The following DYNC2I1 variants were observed in gnomAD, a reference collection of about 807,000 sequenced individuals.
DYNC2I1 encodes cytoplasmic dynein 2 intermediate chain 1.
Under a neutral mutation model 133.4 loss-of-function variants are expected in DYNC2I1, and 89 were observed. The observed-to-expected ratio is 0.67, with a 90% confidence interval of 0.56 to 0.80. The LOEUF (loss-of-function observed/expected upper bound fraction) is 0.80, where lower values mean the gene tolerates loss of function less well. Among genes scored for constraint, DYNC2I1 ranks in the 30% least tolerant of loss-of-function variants. The pLI is 0.00. For synonymous variants in DYNC2I1, 504 were observed against 484.3 expected (o/e 1.04, Z -0.54); for missense variants, 1,291 against 1,314.5 (o/e 0.98, Z 0.28).
intron 1 of DYNC2I1, among the ~76,000 whole-genome samples, chr7:158,868,340 C>G (rs1842591079): frequency 6.6e-6 from 1 of 152,298 alleles, no homozygotes; most frequent in South Asian, 2.1e-4. Flanking sequence ...TCGTGAGGCG[C>G]TGCGACATGC....
rs72505591 is a variant in DYNC2I1, at chr7:158,878,988, G to C, written c.574-696G>C. Among the ~76,000 whole-genome samples, 810 of 151,156 alleles carry C rather than the reference G, an allele frequency of 5.4e-3. 27 individuals are homozygous for C. In the East Asian group the frequency reaches 0.12, roughly 22 times the overall value. On this transcript the variant is annotated intron_variant, in intron 4 of 24. Coordinates refer to ENST00000407559, the MANE Select transcript of DYNC2I1 (RefSeq NM_018051.5). ...TGACTGTGAGTGCCGGGTGCCATGTGGGGAGGCCAGGAGGGCCGACTGTGA... is the reference window on the plus strand; with the variant it reads ...TGACTGTGAGTGCCGGGTGCCATGTCGGGAGGCCAGGAGGGCCGACTGTGA...
At chr7:158,869,998 CTT>C (rs2308132) in intron 2 of DYNC2I1, 90 bp downstream of exon 2, 177,107 of 1,131,570 alleles carry the variant, frequency 0.16, 15,202 homozygotes, top group Middle Eastern at 0.23. Flanking sequence ...CACTGTATAA[CTT>C]TGGTTATGTG....
At chr7:158,899,487 C>CT (rs1375904499) in intron 8 of DYNC2I1, among the ~76,000 whole-genome samples, 1 of 152,018 alleles carries the variant, frequency 6.6e-6, no homozygotes, top group Non-Finnish European at 1.5e-5. Flanking sequence ...TCCATCTTTT[C>CT]TTTTTTTTAT....
intron 23 of DYNC2I1, among the ~76,000 whole-genome samples, chr7:158,940,494 T>C (rs554487387): frequency 6.6e-6 from 1 of 152,308 alleles, no homozygotes; most frequent in African/African-American, 2.4e-5. Context: ...CAAATAGGCC[T>C]AACATTTACA....
chr7:158,883,886 G>T (rs1366602222), intron 5 of DYNC2I1, among the ~76,000 whole-genome samples: 1 of 149,590 alleles, frequency 6.7e-6, no homozygotes, highest in South Asian at 2.1e-4. Context: ...GGATGGTCTC[G>T]ATCTCCTGAC....
At chr7:158,847,243 A>T in the DYNC2I1 span, among the ~76,000 whole-genome samples, 1 of 152,204 alleles carries the variant, frequency 6.6e-6, no homozygotes, top group Non-Finnish European at 1.5e-5. Context: ...ACTAAGAATT[A>T]AAAAAGTAGG....
At chr7:158,873,743 C>A (rs1843084827) in intron 3 of DYNC2I1, among the ~76,000 whole-genome samples, 1 of 152,082 alleles carries the variant, frequency 6.6e-6, no homozygotes, top group Admixed American at 6.6e-5. Flanking sequence ...AGGCTCGCAC[C>A]ACTGCACCTG....
chr7:158,884,714 C>T, intron 6 of DYNC2I1, 95 bp downstream of exon 6: 1 of 1,303,334 alleles, frequency 7.7e-7, no homozygotes, highest in Non-Finnish European at 1.1e-6. Flanking sequence ...ACGGCCAGTC[C>T]ATGGCAATCA....
intron 17 of DYNC2I1, 84 bp from the exon 18 acceptor site, chr7:158,926,103 C>T: frequency 9.2e-7 from 1 of 1,086,576 alleles, no homozygotes; most frequent in African/African-American, 1.6e-5. Context: ...CCCAGAAGCA[C>T]CTCGTGTTTG....
intron 11 of DYNC2I1, among the ~76,000 whole-genome samples, chr7:158,910,926 C>A (rs532829538): frequency 7.0e-6 from 1 of 143,742 alleles, no homozygotes; most frequent in African/African-American, 2.7e-5. Context: ...GGGAGGAGTG[C>A]GATTGGCTGT....
At chr7:158,858,138 C>T (rs1841489227) in intron 1 of DYNC2I1, among the ~76,000 whole-genome samples, 1 of 152,194 alleles carries the variant, frequency 6.6e-6, no homozygotes, top group South Asian at 2.1e-4. Flanking sequence ...GATTAAGAAG[C>T]TACTGCCCTG....
At chr7:158,876,859 G>A (rs1584996880) in intron 4 of DYNC2I1, among the ~76,000 whole-genome samples, 168 bp downstream of exon 4, 1 of 152,270 alleles carries the variant, frequency 6.6e-6, no homozygotes, top group South Asian at 2.1e-4. Context: ...TCATAGTCAA[G>A]TGCGTTTTTC....
chr7:158,919,881 G>A (rs1054693928), intron 15 of DYNC2I1, among the ~76,000 whole-genome samples: 3 of 152,126 alleles, frequency 2.0e-5, no homozygotes, highest in African/African-American at 4.8e-5. Context: ...AGTGTGCGCC[G>A]CCCCCAGGGA....
chr7:158,855,251 C>T (rs1584915408), upstream of DYNC2I1, among the ~76,000 whole-genome samples: 1 of 152,102 alleles, frequency 6.6e-6, no homozygotes, highest in South Asian at 2.1e-4. Context: ...AGCCAGTGAG[C>T]CAGGAGTGCT....
At chr7:158,916,718 G>C (rs1226395914) in intron 14 of DYNC2I1, among the ~76,000 whole-genome samples, 3 of 63,880 alleles carry the variant, frequency 4.7e-5, no homozygotes, top group Non-Finnish European at 1.1e-4. Flanking sequence ...CTGCACGCTG[G>C]TTGACATTAA....
chr7:158,923,863 A>G (rs1320690282), intron 17 of DYNC2I1, 130 bp downstream of exon 17: 2 of 1,162,008 alleles, frequency 1.7e-6, no homozygotes, highest in African/African-American at 3.2e-5. Flanking sequence ...CCCATGGGCA[A>G]AAGAGGCATT....
chr7:158,902,695 G>A (rs910566916), intron 10 of DYNC2I1, 100 bp downstream of exon 10: 16 of 1,090,400 alleles, frequency 1.5e-5, no homozygotes, highest in Admixed American at 2.4e-5. Flanking sequence ...TAATAAGGTG[G>A]GTGGAGCAGT....
At chr7:158,889,405 A>G (rs1367221746) in intron 7 of DYNC2I1, among the ~76,000 whole-genome samples, 4 of 152,120 alleles carry the variant, frequency 2.6e-5, no homozygotes, top group Admixed American at 6.6e-5. Flanking sequence ...CCTAGTTCAT[A>G]GTGGAAATCC....
At chr7:158,922,299 G>A in intron 15 of DYNC2I1, 78 bp from the exon 16 acceptor site, 2 of 1,406,276 alleles carry the variant, frequency 1.4e-6, no homozygotes, top group Non-Finnish European at 1.9e-6. Flanking sequence ...ATTTTTTTTT[G>A]AGTATTCGGA....
Sources: allele counts gnomAD v4.1 joint callset (sites outside exome capture counted in the v4.1 genomes callset), GRCh38; gene constraint gnomAD v4.1.1; transcripts MANE v1.5; gene names NCBI Gene and HGNC (gene_info 2026-07-23, HGNC 2026-07-21).